Variants in POU6F2 observed in about 807,000 individuals in gnomAD.
The protein encoded by POU6F2 is POU class 6 homeobox 2.
A neutral mutation model predicts 71.3 loss-of-function variants in POU6F2; 31 were observed. That is an observed-to-expected ratio of 0.43 (90% CI 0.33 to 0.59). POU6F2 has a LOEUF of 0.59. POU6F2 is among the 20% of genes least tolerant of loss of function. The pLI, the probability that POU6F2 is intolerant of heterozygous loss-of-function variation, is 0.04. For synonymous variants in POU6F2, 347 were observed against 355.7 expected (o/e 0.98, Z 0.27); for missense variants, 783 against 856.8 (o/e 0.91, Z 1.07).
At chr7:39,037,108 CT>C (rs1476895818) in intron 1 of POU6F2, among the ~76,000 whole-genome samples, 1 of 151,898 alleles carries the variant, frequency 6.6e-6, no homozygotes, top group African/African-American at 2.4e-5. Flanking sequence ...ACCCTGAGGC[CT>C]TTTGGGGAGG....
At chr7:39,423,232 T>G (rs562427417) in intron 6 of POU6F2, among the ~76,000 whole-genome samples, 8 of 152,300 alleles carry the variant, frequency 5.3e-5, no homozygotes, top group South Asian at 2.1e-4. Context: ...GGTTTCAGTT[T>G]TATGTAAATT....
chr7:39,452,399 G>T (rs569638822), intron 8 of POU6F2, among the ~76,000 whole-genome samples: 55 of 152,318 alleles, frequency 3.6e-4, no homozygotes, highest in African/African-American at 1.3e-3. Flanking sequence ...TGGGACAATG[G>T]TCTGATTTAA....
At chr7:39,144,710 T>C (rs1165151137) in intron 2 of POU6F2, among the ~76,000 whole-genome samples, 1 of 152,230 alleles carries the variant, frequency 6.6e-6, no homozygotes, top group African/African-American at 2.4e-5. Context: ...ATCAACTATC[T>C]TTCTAAATGC....
intron 2 of POU6F2, among the ~76,000 whole-genome samples, chr7:39,123,298 A>G (rs1236030795): frequency 6.6e-6 from 1 of 152,210 alleles, no homozygotes; most frequent in Non-Finnish European, 1.5e-5. Flanking sequence ...GTGAATACAC[A>G]TTCTCCATCC....
At chr7:39,374,336 T>C (rs901248321) in intron 5 of POU6F2, among the ~76,000 whole-genome samples, 8 of 152,208 alleles carry the variant, frequency 5.3e-5, no homozygotes, top group Admixed American at 2.6e-4. Flanking sequence ...ACTGGACCTG[T>C]ACAGTATAGC....
At chr7:39,319,374 G>T (rs770315605) in intron 4 of POU6F2, among the ~76,000 whole-genome samples, 2 of 152,126 alleles carry the variant, frequency 1.3e-5, no homozygotes, top group Admixed American at 6.5e-5. Context: ...CTTCACGCTC[G>T]CTGGACTTGG....
chr7:39,381,396 C>T (rs1786826262), intron 5 of POU6F2, among the ~76,000 whole-genome samples: 1 of 152,106 alleles, frequency 6.6e-6, no homozygotes, highest in Non-Finnish European at 1.5e-5. Context: ...CGCCACCACA[C>T]CCAGCTAATT....
At chr7:39,301,009 G>GT (rs1784939822) in intron 4 of POU6F2, among the ~76,000 whole-genome samples, 1 of 152,134 alleles carries the variant, frequency 6.6e-6, no homozygotes, top group Non-Finnish European at 1.5e-5. Context: ...TCCCATTTGT[G>GT]TTTTGAGGAA....
At chr7:39,006,897 CA>C in intron 1 of POU6F2, 1 of 1,606,150 alleles carries the variant, frequency 6.2e-7, no homozygotes, top group Non-Finnish European at 8.5e-7. Flanking sequence ...GAATGCCTAC[CA>C]ATAGGAAATT....
At position 39,076,997 on chromosome 7, in the gene POU6F2, A is replaced by G. The variant is rs897480672; in HGVS notation, c.106-8863A>G. On this transcript the variant is annotated intron_variant, in intron 1 of 9. Transcript: ENST00000518318. The stretch of plus-strand genomic sequence containing the variant: ...CTCTTTGTAACTCCCAAGCAACTCT[A>G]CATTCAAATTGCTAAATGTAAATTC... Among the ~76,000 whole-genome samples the G allele has an allele frequency of 3.9e-5, 6 of 152,222 alleles. No homozygotes were observed. The South Asian group carries it at 1.2e-3, about 32-fold the overall frequency.
chr7:39,071,623 A>C lies in POU6F2; in HGVS notation c.106-14237A>C, dbSNP rs186709336. ...GAACCCAGGAGTTCAAGACCAGCCC[A>C]GGCAACATGGTGAAACCCCATCTCT... On this transcript the variant is annotated intron_variant, in intron 1 of 9. Transcript: ENST00000518318. Among the ~76,000 whole-genome samples the C allele has an allele frequency of 3.0e-3, 450 of 151,482 alleles. 2 individuals are homozygous for C. Among genetic ancestry groups the C allele is most frequent in the Non-Finnish European group, 4.7e-3 (320 of 67,844 alleles).
chr7:39,303,427 G>A (rs570657925), intron 4 of POU6F2, among the ~76,000 whole-genome samples: 18 of 152,338 alleles, frequency 1.2e-4, no homozygotes, highest in African/African-American at 3.8e-4. Flanking sequence ...GATTACAGGC[G>A]TGAGACACCA....
rs1788914472 is a variant in POU6F2 at position 39,460,297 on chromosome 7, A to G, written c.1490-250A>G. ...TAAGGAACATGCTCTGGCATTGGGG[A>G]AGTGGCAGTGTGAACAAGCTGTGGT... On this transcript the variant is annotated intron_variant, in intron 8 of 9. Coordinates refer to ENST00000518318, the MANE Select transcript of POU6F2 (RefSeq NM_001370959.1). The surrounding 1 kb of genome is among the most constrained non-coding windows in gnomAD (Gnocchi z 4.4). Among the ~76,000 whole-genome samples, 2 of 152,056 alleles carry G rather than the reference A, an allele frequency of 1.3e-5. No individual in the cohort carries two copies. The highest frequency in any genetic ancestry group is 2.9e-5 in the Non-Finnish European group (2 of 68,022).
chr7:38,994,974 T>C (rs1788698589), intron 1 of POU6F2, among the ~76,000 whole-genome samples: 1 of 152,208 alleles, frequency 6.6e-6, no homozygotes, highest in Non-Finnish European at 1.5e-5. Flanking sequence ...TCAGATCTTC[T>C]TATTGAAAGC....
chr7:38,978,571 T>C (rs1788236896), intron 1 of POU6F2, among the ~76,000 whole-genome samples: 1 of 152,208 alleles, frequency 6.6e-6, no homozygotes, highest in African/African-American at 2.4e-5. Flanking sequence ...TAATGTGTGA[T>C]TGAGCCCGGT....
intron 2 of POU6F2, among the ~76,000 whole-genome samples, chr7:39,093,228 A>G (rs1791390280): frequency 6.6e-6 from 1 of 152,112 alleles, no homozygotes; most frequent in Admixed American, 6.6e-5. Context: ...CATTAAAACT[A>G]TTTGAAAATA....
intron 4 of POU6F2, among the ~76,000 whole-genome samples, chr7:39,256,475 C>T (rs1454145606): frequency 1.3e-5 from 2 of 152,130 alleles, no homozygotes; most frequent in East Asian, 3.8e-4. Flanking sequence ...CCTCTTCATG[C>T]AATAGGAAGA....
chr7:39,184,480 C>T (rs1392345562), intron 2 of POU6F2, among the ~76,000 whole-genome samples: 1 of 152,196 alleles, frequency 6.6e-6, no homozygotes, highest in African/African-American at 2.4e-5. Flanking sequence ...ATTTTTCCAG[C>T]TGAATTACCA....
chr7:38,997,640 C>T (rs549874674), intron 1 of POU6F2, among the ~76,000 whole-genome samples: 2 of 152,172 alleles, frequency 1.3e-5, no homozygotes, highest in Admixed American at 6.5e-5. Flanking sequence ...AGCCTTGAAC[C>T]TAGACCCACC....
Sources: gnomAD v4.1 joint callset for allele counts (sites outside exome capture counted in the v4.1 genomes callset) on GRCh38, gnomAD v4.1.1 for gene constraint, Gnocchi (gnomAD v3.1) non-coding constraint, MANE v1.5 for transcripts, NCBI Gene and HGNC (gene_info 2026-07-23, HGNC 2026-07-21) for gene names.